Variants in ACYP2 observed in about 807,000 individuals in gnomAD.
ACYP2 encodes the protein acylphosphatase-2.
ACYP2 carries 12 observed loss-of-function variants against 11.2 expected under a neutral mutation model. The ratio of observed to expected loss-of-function variants is 1.08; its 90% CI spans 0.69 to 1.74. The LOEUF (loss-of-function observed/expected upper bound fraction) is 1.74, where lower values mean the gene tolerates loss of function less well. Ranked by LOEUF, ACYP2 falls within the 40% of genes most tolerant of loss-of-function variation. The pLI, the probability that ACYP2 is intolerant of heterozygous loss-of-function variation, is 0.00. For missense variants in ACYP2, 134 were observed against 101.9 expected, an observed-to-expected ratio of 1.31 and a Z score of -1.35; for synonymous variants, 43 against 32.2, an observed-to-expected ratio of 1.33 and a Z score of -1.13.
At chr2:54,186,112 G>A (rs1016710591) in intron 6 of ACYP2, among the ~76,000 whole-genome samples, 2 of 152,052 alleles carry the variant, frequency 1.3e-5, no homozygotes, top group African/African-American at 4.8e-5. Flanking sequence ...TGAATATAAA[G>A]AGAGAACTTT....
chr2:54,223,868 T>G (rs1015058023), intron 6 of ACYP2, among the ~76,000 whole-genome samples: 9 of 152,192 alleles, frequency 5.9e-5, no homozygotes, highest in Admixed American at 5.9e-4. Flanking sequence ...TAATATTCCA[T>G]GAGTATAGTA....
chr2:54,081,052 T>A (rs1201497462), intron 4 of ACYP2, among the ~76,000 whole-genome samples: 1 of 152,192 alleles, frequency 6.6e-6, no homozygotes, highest in Non-Finnish European at 1.5e-5. Flanking sequence ...CATTTCAAAT[T>A]TTCTTGAGCA....
chr2:54,013,295 GTGTGTGTGTGTGTGTGTGTGTT>G (rs1184714749), intron 2 of ACYP2, among the ~76,000 whole-genome samples: 1 of 143,652 alleles, frequency 7.0e-6, no homozygotes, highest in Non-Finnish European at 1.5e-5. Context: ...GTGTGTGTGT[GTGTGTGTGTGTGTGTGTGTGTT>G]TTGAGACAGA....
intron 4 of ACYP2, 137 bp from the exon 1 acceptor site, chr2:54,115,478 A>AGCGGCCTCTTCCCTCCTGGCGTCCC: frequency 7.8e-7 from 1 of 1,287,538 alleles, no homozygotes; most frequent in Non-Finnish European, 1.0e-6. Flanking sequence ...CCTGGGGCCC[A>AGCGGCCTCTTCCCTCCTGGCGTCCC]GCGGCCTCTT....
At chr2:54,064,086 G>A (rs1356430936) in intron 4 of ACYP2, among the ~76,000 whole-genome samples, 2 of 152,084 alleles carry the variant, frequency 1.3e-5, no homozygotes, top group Non-Finnish European at 2.9e-5. Flanking sequence ...GGCTCAAGTG[G>A]TCCTCCTGCC....
intron 6 of ACYP2, among the ~76,000 whole-genome samples, chr2:54,184,040 C>G (rs1683866099): frequency 6.6e-6 from 1 of 152,076 alleles, no homozygotes; most frequent in Non-Finnish European, 1.5e-5. Flanking sequence ...AAAGATACTT[C>G]CTTATGCAAG....
intron 6 of ACYP2, among the ~76,000 whole-genome samples, chr2:54,157,124 G>A (rs372808306): frequency 2.0e-5 from 3 of 151,932 alleles, no homozygotes; most frequent in African/African-American, 7.3e-5. Context: ...TAAATGATGT[G>A]GATTTATGTG....
chr2:53,993,462 C>G (rs1020141170), intron 2 of ACYP2, among the ~76,000 whole-genome samples: 2 of 152,040 alleles, frequency 1.3e-5, no homozygotes, highest in African/African-American at 4.8e-5. Flanking sequence ...AATCCCAGCG[C>G]TCTGGTGGGC....
At chr2:54,153,896 G>A (rs183528196) in intron 6 of ACYP2, among the ~76,000 whole-genome samples, 28 of 152,162 alleles carry the variant, frequency 1.8e-4, no homozygotes, top group Middle Eastern at 3.4e-3. Flanking sequence ...CACCGCACCT[G>A]GCCCGTAGTT....
At chr2:54,033,891 A>G (rs1674728316) in intron 2 of ACYP2, among the ~76,000 whole-genome samples, 1 of 152,250 alleles carries the variant, frequency 6.6e-6, no homozygotes, top group Non-Finnish European at 1.5e-5. Flanking sequence ...CACTTTTCCC[A>G]GAAATACATG....
chr2:54,264,481 C>A (rs533932594), intron 6 of ACYP2, among the ~76,000 whole-genome samples: 1 of 152,190 alleles, frequency 6.6e-6, no homozygotes, highest in African/African-American at 2.4e-5. Context: ...CCTCTCAGAT[C>A]CTGCTCAGGG....
rs1002010209 is a variant in ACYP2 at position 54,211,114 on chromosome 2, T to C, written c.404+72366T>C. Among the ~76,000 whole-genome samples the C allele has an allele frequency of 8.5e-5, 13 of 152,326 alleles. No homozygotes were observed. In the South Asian group the frequency reaches 2.7e-3, roughly 32 times the overall value. On this transcript the variant is annotated intron_variant, in intron 6 of 6. Transcript: ENST00000607452. The stretch of plus-strand genomic sequence containing the variant: ...AGATCTCATGAAGTACTCAGTTGCA[T>C]GGGGTCATCTGAAAGACGCAGACTA...
At chr2:54,267,322 G>T (rs1057467692) in intron 6 of ACYP2, 3 of 1,548,432 alleles carry the variant, frequency 1.9e-6, no homozygotes, top group Non-Finnish European at 2.6e-6. Context: ...GAAGCTGGGT[G>T]AAGAAAAGAA....
chr2:54,083,671 T>C (rs1677789675), intron 4 of ACYP2, among the ~76,000 whole-genome samples: 1 of 152,120 alleles, frequency 6.6e-6, no homozygotes, highest in African/African-American at 2.4e-5. Flanking sequence ...GTCAAGAAGC[T>C]CCAGAGTCCT....
chr2:54,104,038 G>T (rs942743400), intron 4 of ACYP2, among the ~76,000 whole-genome samples: 4 of 152,226 alleles, frequency 2.6e-5, no homozygotes, highest in African/African-American at 9.6e-5. Flanking sequence ...GAACAAGAAA[G>T]CAGGCAGCCA....
In ACYP2 at chr2:54,095,518, C is replaced by T. The variant is rs1337316598; in HGVS notation, c.277+38158C>T. ...GGCGGCTGGCTGGGCGGGGGGCTGA[C>T]CCCCCCACCTCCCTCCCGGACGGGG... On this transcript the variant is annotated intron_variant, in intron 4 of 6. Transcript: ENST00000607452. Among the ~76,000 whole-genome samples, 28 of 147,330 alleles carry T rather than the reference C, an allele frequency of 1.9e-4. No homozygotes were observed. In the East Asian group the frequency reaches 4.6e-3, roughly 24 times the overall value.
At chr2:54,126,954 C>CAAAA (rs144107260) in intron 4 of ACYP2, among the ~76,000 whole-genome samples, 2 of 123,388 alleles carry the variant, frequency 1.6e-5, no homozygotes, top group Non-Finnish European at 3.5e-5. Flanking sequence ...AACTCCGTCT[C>CAAAA]AAAAAAAAAA....
At chr2:54,123,330 G>C (rs542026755) in intron 4 of ACYP2, 182 of 398,556 alleles carry the variant, frequency 4.6e-4, no homozygotes, top group Middle Eastern at 2.5e-3. Context: ...AGTTGTTTTG[G>C]TATGGAGTGA....
chr2:54,180,197 G>A (rs1393895632), intron 6 of ACYP2, among the ~76,000 whole-genome samples: 1 of 152,026 alleles, frequency 6.6e-6, no homozygotes, highest in African/African-American at 2.4e-5. Flanking sequence ...AAGTCTCCAG[G>A]TGCTTAGCTA....
Sources: allele counts gnomAD v4.1 joint callset (sites outside exome capture counted in the v4.1 genomes callset), GRCh38; gene constraint gnomAD v4.1.1; transcripts MANE v1.5; gene names NCBI Gene and HGNC (gene_info 2026-07-23, HGNC 2026-07-21).